SLC2A13: variants seen among roughly 807,000 people sequenced by gnomAD.
The protein encoded by SLC2A13 is proton myo-inositol cotransporter.
In SLC2A13, 32 loss-of-function variants were observed where a neutral mutation model predicts 64.4. The ratio of observed to expected loss-of-function variants is 0.50; its 90% CI spans 0.37 to 0.67. The LOEUF (loss-of-function observed/expected upper bound fraction) is 0.67. Ranked by LOEUF, SLC2A13 falls within the 30% of genes least tolerant of loss-of-function variation. The probability of loss-of-function intolerance (pLI) is 0.00; values close to 1 mark genes in which losing one functional copy is unlikely to be tolerated. For synonymous variants in SLC2A13, 338 were observed against 327.1 expected (o/e 1.03, Z -0.36); for missense variants, 743 against 829.2 (o/e 0.90, Z 1.28).
At position 39,764,825 on chromosome 12, in the gene SLC2A13, ATCTTCTGTTT is replaced by A. The variant is rs2135713855; in HGVS notation, c.1469_1478del (p.Lys490IlefsTer39). On this transcript the variant is annotated frameshift_variant, in exon 8 of 10. Coordinates refer to ENST00000280871, the MANE Select transcript of SLC2A13 (RefSeq NM_052885.4). LOFTEE classifies it high-confidence loss of function. ...GGCAGAAATTGTAAGCCCAAAATAT[ATCTTCTGTTT>A]TGAACTTGGTTTCATTTTCACACCT... is the stretch of plus-strand genomic sequence containing the variant. The A allele has an allele frequency of 6.2e-7, 1 of 1,612,412 alleles. No homozygotes were observed. Among genetic ancestry groups the A allele is most frequent in the South Asian group, 1.1e-5 (1 of 91,008 alleles).
At chr12:39,982,434 T>C (rs1206224887) in intron 3 of SLC2A13, among the ~76,000 whole-genome samples, 1 of 150,336 alleles carries the variant, frequency 6.7e-6, no homozygotes, top group African/African-American at 2.4e-5. Context: ...AACCCCATCG[T>C]CTCAGCCCAA....
At chr12:39,977,954 A>C (rs1011151682) in intron 3 of SLC2A13, among the ~76,000 whole-genome samples, 1 of 151,906 alleles carries the variant, frequency 6.6e-6, no homozygotes, top group Non-Finnish European at 1.5e-5. Context: ...CTTTATGATA[A>C]TTTTTCTTCA....
chr12:40,049,070 G>C (rs1948210964), intron 1 of SLC2A13, among the ~76,000 whole-genome samples: 1 of 151,938 alleles, frequency 6.6e-6, no homozygotes, highest in Non-Finnish European at 1.5e-5. Flanking sequence ...ACCCTCTTGT[G>C]GCCCCTGCAA....
At chr12:39,894,581 C>T (rs1413211771) in intron 4 of SLC2A13, among the ~76,000 whole-genome samples, 1 of 152,144 alleles carries the variant, frequency 6.6e-6, no homozygotes, top group African/African-American at 2.4e-5. Flanking sequence ...AAATACAAGA[C>T]AGACTAAAAT....
At chr12:39,951,804 T>C (rs1463688934) in intron 3 of SLC2A13, among the ~76,000 whole-genome samples, 1 of 152,186 alleles carries the variant, frequency 6.6e-6, no homozygotes, top group Non-Finnish European at 1.5e-5. Flanking sequence ...AAGAAAAGCA[T>C]TCATTAAGAA....
At chr12:39,934,354 G>C (rs774381338) in intron 4 of SLC2A13, among the ~76,000 whole-genome samples, 1 of 152,174 alleles carries the variant, frequency 6.6e-6, no homozygotes, top group Non-Finnish European at 1.5e-5. Context: ...AATGCTAATC[G>C]AATGTTGATT....
chr12:39,947,047 C>T (rs1005955), intron 4 of SLC2A13, among the ~76,000 whole-genome samples: 84,485 of 152,002 alleles, frequency 0.56, 25,825 homozygotes, highest in Non-Finnish European at 0.69. Flanking sequence ...GCTTCCTCTA[C>T]CCGCTTATTT....
At chr12:39,860,644 C>A (rs187875380) in intron 6 of SLC2A13, among the ~76,000 whole-genome samples, 1 of 152,220 alleles carries the variant, frequency 6.6e-6, no homozygotes, top group East Asian at 1.9e-4. Context: ...TGATTTAGTC[C>A]ACCTTTTTTC....
At chr12:39,848,895 A>G (rs1943392787) in intron 6 of SLC2A13, among the ~76,000 whole-genome samples, 2 of 152,232 alleles carry the variant, frequency 1.3e-5, no homozygotes, top group Admixed American at 1.3e-4. Context: ...GCTGGAGGCT[A>G]TCATCCTTAG....
rs149505233 is a variant in SLC2A13, at chr12:39,852,520, G to T, written c.1319+12242C>A. 8.6e-3 allele frequency among the ~76,000 whole-genome samples: 1,305 copies of T among 152,314 alleles called. 11 individuals are homozygous for T. Among genetic ancestry groups the T allele is most frequent in the Middle Eastern group, 0.014 (4 of 294 alleles). ...ACTCACAGAAGATAACAAACCTGTG[G>T]CTGCCCATTGCTAGTACCAATCATT... On this transcript the variant is annotated intron_variant, in intron 6 of 9. Coordinates refer to ENST00000280871, the MANE Select transcript of SLC2A13 (RefSeq NM_052885.4).
At chr12:39,840,361 C>T (rs568398621) in intron 6 of SLC2A13, among the ~76,000 whole-genome samples, 5 of 152,152 alleles carry the variant, frequency 3.3e-5, no homozygotes, top group African/African-American at 9.6e-5. Context: ...CTCTACACTG[C>T]CTCAAATCTA....
chr12:39,822,865 A>G (rs1942563642), intron 7 of SLC2A13, among the ~76,000 whole-genome samples: 1 of 152,214 alleles, frequency 6.6e-6, no homozygotes, highest in South Asian at 2.1e-4. Flanking sequence ...ACAAGTGTTT[A>G]TTTATTATTA....
At chr12:39,855,775 T>C (rs574316671) in intron 6 of SLC2A13, among the ~76,000 whole-genome samples, 88 of 152,324 alleles carry the variant, frequency 5.8e-4, no homozygotes, top group African/African-American at 2.0e-3. Flanking sequence ...CAGGATACAT[T>C]ATTTCATTGT....
intron 6 of SLC2A13, among the ~76,000 whole-genome samples, chr12:39,832,275 G>C (rs1297614922): frequency 6.6e-6 from 1 of 152,052 alleles, no homozygotes; most frequent in African/African-American, 2.4e-5. Context: ...ATTTTGTTTT[G>C]TATTCTGCCC....
intron 3 of SLC2A13, among the ~76,000 whole-genome samples, chr12:39,996,873 A>G (rs1166020904): frequency 6.6e-6 from 1 of 152,222 alleles, no homozygotes; most frequent in African/African-American, 2.4e-5. Flanking sequence ...ACACTGCTGA[A>G]AGAAATCATA....
intron 6 of SLC2A13, among the ~76,000 whole-genome samples, chr12:39,835,064 G>C (rs890754398): frequency 6.6e-6 from 1 of 152,062 alleles, no homozygotes; most frequent in African/African-American, 2.4e-5. Flanking sequence ...TATAAAAACT[G>C]AGAATTTAAA....
chr12:39,856,975 G>A (rs1943625289), intron 6 of SLC2A13, among the ~76,000 whole-genome samples: 1 of 152,152 alleles, frequency 6.6e-6, no homozygotes, highest in Non-Finnish European at 1.5e-5. Context: ...TGCTGTCACA[G>A]TCCTGGATAG....
chr12:40,055,270 G>T (rs1479686446), intron 1 of SLC2A13, among the ~76,000 whole-genome samples: 11 of 152,190 alleles, frequency 7.2e-5, no homozygotes, highest in Non-Finnish European at 1.5e-4. Context: ...GATTCTCTCT[G>T]TGGAGATAAC....
chr12:39,932,597 T>C (rs1945846281), intron 4 of SLC2A13, among the ~76,000 whole-genome samples: 1 of 152,158 alleles, frequency 6.6e-6, no homozygotes, highest in Admixed American at 6.6e-5. Context: ...ATAAGCAGAA[T>C]TTTAGACAAT....
Sources: gnomAD v4.1 joint callset for allele counts (sites outside exome capture counted in the v4.1 genomes callset) on GRCh38, gnomAD v4.1.1 for gene constraint, MANE v1.5 for transcripts, NCBI Gene and HGNC (gene_info 2026-07-23, HGNC 2026-07-21) for gene names.